The following FGF13 variants were observed in gnomAD, a reference collection of about 807,000 sequenced individuals.
The protein encoded by FGF13 is fibroblast growth factor homologous factor 2.
Under a neutral mutation model 19.5 loss-of-function variants are expected in FGF13, and 2 were observed. The observed-to-expected ratio is 0.10, with a 90% CI of 0.04 to 0.32. The LOEUF is 0.32. Ranked by LOEUF, FGF13 falls within the 10% of genes least tolerant of loss-of-function variation. The pLI is 1.00. For synonymous variants in FGF13, 72 were observed against 76.9 expected (o/e 0.94, Z 0.33); for missense variants, 113 against 192.7 (o/e 0.59, Z 2.45).
chrX:139,108,431 A>G (rs1405331403), intron 1 of FGF13, among the ~76,000 whole-genome samples: 1 of 111,462 alleles, frequency 9.0e-6, no homozygotes, highest in Non-Finnish European at 1.9e-5. Context: ...GAAAAAACGT[A>G]AGAGACTCAG....
chrX:138,869,431 G>A (rs765614750), intron 1 of FGF13, among the ~76,000 whole-genome samples: 1 of 112,561 alleles, frequency 8.9e-6, no homozygotes, highest in Non-Finnish European at 1.9e-5. Flanking sequence ...TACAGGAAGG[G>A]ATGTAGGAGA....
chrX:138,898,252 T>G (rs2091513918), intron 1 of FGF13, among the ~76,000 whole-genome samples: 1 of 111,887 alleles, frequency 8.9e-6, no homozygotes, highest in South Asian at 3.7e-4. Context: ...CTAAAATGTA[T>G]GAGTTGTTTG....
At chrX:138,719,751 C>T (rs1243453640) in intron 1 of FGF13, among the ~76,000 whole-genome samples, 1 of 112,629 alleles carries the variant, frequency 8.9e-6, no homozygotes. Flanking sequence ...AGGAGCTTCT[C>T]CAATATCTAT....
chrX:138,884,915 G>A (rs2091444478), intron 1 of FGF13, among the ~76,000 whole-genome samples: 1 of 111,852 alleles, frequency 8.9e-6, no homozygotes, highest in Admixed American at 9.5e-5. Context: ...GACAGAATTA[G>A]AAAGACATTC....
chrX:138,685,297 T>C (rs919740266), intron 3 of FGF13, among the ~76,000 whole-genome samples: 5 of 111,055 alleles, frequency 4.5e-5, no homozygotes, highest in Non-Finnish European at 9.5e-5. Context: ...TACACGAGAT[T>C]GAGACTCATC....
chrX:138,934,824 C>G (rs928264876), intron 1 of FGF13, among the ~76,000 whole-genome samples: 1 of 110,740 alleles, frequency 9.0e-6, no homozygotes, highest in Admixed American at 9.6e-5. Flanking sequence ...AGGCAGTAGT[C>G]ATTAGCCATA....
At chrX:138,694,208 G>A (rs1360840401) in intron 3 of FGF13, among the ~76,000 whole-genome samples, 1 of 110,936 alleles carries the variant, frequency 9.0e-6, no homozygotes, top group Non-Finnish European at 1.9e-5. Flanking sequence ...CATTTGACAG[G>A]TAAACATACT....
chrX:138,980,675 GTTTTTTTTTTT>G (rs59636336), intron 1 of FGF13, among the ~76,000 whole-genome samples: 1 of 84,959 alleles, frequency 1.2e-5, no homozygotes. Flanking sequence ...CAGAAGTGTG[GTTTTTTTTTTT>G]TTTTTTTTTT....
chrX:138,829,875 C>T (rs2091059418), intron 3 of FGF13, among the ~76,000 whole-genome samples: 1 of 111,495 alleles, frequency 9.0e-6, no homozygotes, highest in African/African-American at 3.3e-5. Context: ...TGCCACAATG[C>T]TTGGCTAATT....
intron 3 of FGF13, among the ~76,000 whole-genome samples, chrX:138,655,788 G>T (rs1349041591): frequency 8.9e-6 from 1 of 111,813 alleles, no homozygotes. Flanking sequence ...CCTGAGATTA[G>T]TATTTGGAGC....
At chrX:138,897,323 T>G (rs2091509625) in intron 1 of FGF13, among the ~76,000 whole-genome samples, 1 of 111,459 alleles carries the variant, frequency 9.0e-6, no homozygotes, top group South Asian at 3.8e-4. Flanking sequence ...TTTCAGTTTT[T>G]TTTTTCTTTA....
chrX:139,045,883 CTCA>C (rs1432451375), intron 1 of FGF13, among the ~76,000 whole-genome samples: 2 of 111,810 alleles, frequency 1.8e-5, no homozygotes, highest in Non-Finnish European at 3.8e-5. Context: ...CAAACTTTCT[CTCA>C]TCTACCTGTC....
Position 138,620,123 on chromosome X carries a change from A to C in FGF13, c.*12727T>G, listed in dbSNP as rs1258471740. ...AAATGTGGCACATATACACCATGGG[A>C]TACTATGCAGCCATAAAAAGGAATG... On this transcript the variant is annotated 3_prime_UTR_variant, in exon 5 of 5. Coordinates refer to ENST00000315930, the MANE Select transcript of FGF13 (RefSeq NM_004114.5). 2 of 112,228 alleles carry C rather than the reference A, an allele frequency of 1.8e-5. No homozygotes were observed. The highest frequency in any genetic ancestry group is 3.8e-5 in the Non-Finnish European group (2 of 53,287). 9.2% of individuals were successfully genotyped at this position (112,228 alleles called of 1,213,427 possible). A position where few individuals can be genotyped will look rare whatever the true frequency, so the allele number is the denominator to read the frequency against.
chrX:138,954,956 T>C (rs762169125), intron 1 of FGF13, among the ~76,000 whole-genome samples: 3 of 112,210 alleles, frequency 2.7e-5, no homozygotes, highest in Non-Finnish European at 5.6e-5. Flanking sequence ...GTTCCAAGAC[T>C]GAAAGCAGGG....
chrX:138,962,015 G>T (rs2091873546), intron 1 of FGF13, among the ~76,000 whole-genome samples: 2 of 111,935 alleles, frequency 1.8e-5, no homozygotes, highest in Admixed American at 1.9e-4. Flanking sequence ...AAACTAAAGA[G>T]CTTCTGCACA....
intron 1 of FGF13, among the ~76,000 whole-genome samples, chrX:139,104,882 CAT>C (rs2083547476): frequency 9.0e-6 from 1 of 111,320 alleles, no homozygotes; most frequent in Non-Finnish European, 1.9e-5. Context: ...TAGATTTTAA[CAT>C]ATGAATTTGT....
Position 138,623,758 on chromosome X carries a change from C to A in FGF13, c.*9092G>T, listed in dbSNP as rs2089033023. On this transcript the variant is annotated 3_prime_UTR_variant, in exon 5 of 5. Coordinates refer to ENST00000315930, the MANE Select transcript of FGF13 (RefSeq NM_004114.5). ...CACCACTGCACTCCAGCCTGGGTGA[C>A]AGAGCAAGACTCCATCTCAAAAACA... 9.0e-6 allele frequency: 1 copy of A among 111,256 alleles called. No homozygotes were observed. Among genetic ancestry groups the A allele is most frequent in the Non-Finnish European group, 1.9e-5 (1 of 53,140 alleles). The allele number at this position is 111,256 out of a possible 1,213,427, so 9.2% of individuals were successfully genotyped here.
intron 1 of FGF13, among the ~76,000 whole-genome samples, chrX:138,916,075 C>G (rs779468465): frequency 8.9e-6 from 1 of 111,911 alleles, no homozygotes; most frequent in Non-Finnish European, 1.9e-5. Context: ...ATTGGTCCTG[C>G]TGGTGTTGCA....
intron 1 of FGF13, among the ~76,000 whole-genome samples, chrX:138,877,876 C>G (rs187089003): frequency 8.0e-4 from 90 of 112,216 alleles, no homozygotes; most frequent in Admixed American, 2.5e-3. Context: ...GTGAGTAACA[C>G]TACAGTGAAC....
Sources: allele counts gnomAD v4.1 joint callset (sites outside exome capture counted in the v4.1 genomes callset), GRCh38; gene constraint gnomAD v4.1.1; transcripts MANE v1.5; gene names NCBI Gene and HGNC (gene_info 2026-07-23, HGNC 2026-07-21).